The following ST13 variants were observed in gnomAD, a reference collection of about 807,000 sequenced individuals.
ST13 encodes hsc70-interacting protein.
ST13 carries 23 observed loss-of-function variants against 56.7 expected under a neutral mutation model. The observed-to-expected ratio is 0.41, with a 90% confidence interval of 0.29 to 0.57. The LOEUF (loss-of-function observed/expected upper bound fraction) is 0.57, where lower values mean the gene tolerates loss of function less well. Ranked by LOEUF, ST13 falls within the 20% of genes least tolerant of loss-of-function variation. ST13 has a pLI of 0.36. For missense variants in ST13, 369 were observed against 459.9 expected (o/e 0.80, Z 1.81); for synonymous variants, 132 against 142.4 (o/e 0.93, Z 0.52).
intron 2 of ST13, among the ~76,000 whole-genome samples, chr22:40,849,587 TGAAAA>T (rs2057850938): frequency 2.0e-5 from 3 of 151,908 alleles, no homozygotes; most frequent in African/African-American, 4.8e-5. Context: ...TAGAATATAT[TGAAAA>T]GAAAAGACAA....
chr22:40,836,998 T>TA (rs978241973), intron 5 of ST13, among the ~76,000 whole-genome samples: 1 of 152,180 alleles, frequency 6.6e-6, no homozygotes, highest in Non-Finnish European at 1.5e-5. Flanking sequence ...AAAAATTTTT[T>TA]AGAGACTGGG....
chr22:40,846,311 A>G lies in ST13; in HGVS notation c.245-1402T>C, dbSNP rs140940505. Among the ~76,000 whole-genome samples the G allele has an allele frequency of 3.7e-3, 571 of 152,300 alleles. 2 individuals carry two copies. Among genetic ancestry groups the G allele is most frequent in the African/African-American group, 0.012 (510 of 41,556 alleles). ...GAAATGATTCTCACCCATCATATTA[A>G]TAACTATCCATCTCACATATTTATT... On this transcript the variant is annotated intron_variant, in intron 3 of 11. Coordinates refer to ENST00000216218, the MANE Select transcript of ST13 (RefSeq NM_003932.5).
At chr22:40,831,689 A>G (rs991415095) in intron 8 of ST13, among the ~76,000 whole-genome samples, 3 of 152,198 alleles carry the variant, frequency 2.0e-5, no homozygotes, top group Non-Finnish European at 4.4e-5. Flanking sequence ...CACTATCTTA[A>G]AATCTCTGAG....
At chr22:40,851,157 GAA>G (rs71726828) in intron 1 of ST13, among the ~76,000 whole-genome samples, 8,681 of 152,176 alleles carry the variant, frequency 0.057, 790 homozygotes, top group African/African-American at 0.2. Context: ...CTTCCCAGAG[GAA>G]AAGAGGCAGA....
chr22:40,846,120 G>C (rs1345483553), intron 3 of ST13, among the ~76,000 whole-genome samples: 1 of 152,070 alleles, frequency 6.6e-6, no homozygotes, highest in Admixed American at 6.6e-5. Context: ...ATTTTTAGTA[G>C]AGATGGGGTT....
chr22:40,831,078 T>C (rs1220214519), intron 8 of ST13, 122 bp from the exon 9 acceptor site: 1 of 702,556 alleles, frequency 1.4e-6, no homozygotes, highest in Non-Finnish European at 2.4e-6. Context: ...AGATTTGTCT[T>C]GTACAAAAAG....
chr22:40,836,183 G>A (rs2057776422), intron 5 of ST13, among the ~76,000 whole-genome samples: 1 of 152,214 alleles, frequency 6.6e-6, no homozygotes, highest in African/African-American at 2.4e-5. Flanking sequence ...GGGCACGGTG[G>A]CTCACGCCTG....
Position 40,850,805 on chromosome 22 carries a change from A to C in ST13, c.168+18T>G. Reference sequence around the variant, plus strand: ...ATAGTACTTTATCACAAAACATACAAATGAAATTAAAACTTACCTTGGTAT... The same window carrying C: ...ATAGTACTTTATCACAAAACATACACATGAAATTAAAACTTACCTTGGTAT... On this transcript the variant is annotated intron_variant, in intron 2 of 11. Transcript: ENST00000216218. 1 of 1,585,392 alleles carries C rather than the reference A, an allele frequency of 6.3e-7. No homozygotes were observed. Among genetic ancestry groups the C allele is most frequent in the Non-Finnish European group, 8.6e-7 (1 of 1,161,202 alleles).
chr22:40,828,156 C>A (rs898259852), intron 10 of ST13, among the ~76,000 whole-genome samples: 96 of 152,226 alleles, frequency 6.3e-4, no homozygotes, highest in Non-Finnish European at 1.1e-3. Context: ...AACAAGAATT[C>A]CTGGTGCTTC....
At chr22:40,835,777 G>T (rs762613518) in intron 6 of ST13, 26 bp downstream of exon 6, 1 of 1,608,882 alleles carries the variant, frequency 6.2e-7, no homozygotes, top group Non-Finnish European at 8.5e-7. Flanking sequence ...TTTGCCAGGG[G>T]ATGCTTTTCT....
At chr22:40,830,005 A>G (rs1200591815) in intron 9 of ST13, among the ~76,000 whole-genome samples, 3 of 152,228 alleles carry the variant, frequency 2.0e-5, no homozygotes, top group African/African-American at 7.2e-5. Context: ...GATTACCAAG[A>G]CTACCATGAC....
At chr22:40,831,069 G>T in intron 8 of ST13, 113 bp from the exon 9 acceptor site, 1 of 730,654 alleles carries the variant, frequency 1.4e-6, no homozygotes, top group Non-Finnish European at 2.3e-6. Flanking sequence ...AAAAATGACA[G>T]ATTTGTCTTG....
At chr22:40,830,474 T>C (rs368499143) in intron 9 of ST13, among the ~76,000 whole-genome samples, 14 of 152,180 alleles carry the variant, frequency 9.2e-5, no homozygotes, top group African/African-American at 2.2e-4. Context: ...CATTTTTAAA[T>C]AGCAACACAT....
intron 9 of ST13, among the ~76,000 whole-genome samples, 193 bp downstream of exon 9, chr22:40,830,647 C>A (rs985085782): frequency 1.3e-5 from 2 of 152,136 alleles, no homozygotes; most frequent in Admixed American, 1.3e-4. Context: ...TAAAAGCTCA[C>A]TGAATAATTT....
chr22:40,849,411 G>C (rs2057849474), intron 2 of ST13, among the ~76,000 whole-genome samples: 1 of 145,446 alleles, frequency 6.9e-6, no homozygotes, highest in African/African-American at 2.6e-5. Flanking sequence ...CTGGGAGGCA[G>C]AGCTTGCAAT....
chr22:40,827,646 A>G (rs2057735107), intron 10 of ST13, among the ~76,000 whole-genome samples: 1 of 151,472 alleles, frequency 6.6e-6, no homozygotes, highest in Middle Eastern at 3.2e-3. Context: ...CCTAATTTTT[A>G]TATTTTTATA....
At chr22:40,835,480 G>C in intron 7 of ST13, 80 bp downstream of exon 7, 2 of 1,265,420 alleles carry the variant, frequency 1.6e-6, no homozygotes, top group Non-Finnish European at 2.3e-6. Context: ...GAACTTTTGT[G>C]TTTTTGTTTA....
At chr22:40,849,838 T>C (rs946985520) in intron 2 of ST13, among the ~76,000 whole-genome samples, 1 of 148,458 alleles carries the variant, frequency 6.7e-6, no homozygotes, top group Non-Finnish European at 1.5e-5. Context: ...TCCAAATAGA[T>C]AACAATGTTT....
At chr22:40,840,335 CTTTT>C (rs34104893) in intron 5 of ST13, among the ~76,000 whole-genome samples, 1 of 140,384 alleles carries the variant, frequency 7.1e-6, no homozygotes, top group Admixed American at 7.2e-5. Context: ...TCTACTACTA[CTTTT>C]TTTTTTTTTT....
Sources: gnomAD v4.1 joint callset for allele counts (sites outside exome capture counted in the v4.1 genomes callset) on GRCh38, gnomAD v4.1.1 for gene constraint, MANE v1.5 for transcripts, NCBI Gene and HGNC (gene_info 2026-07-23, HGNC 2026-07-21) for gene names.